The following ZNF165 variants were observed in gnomAD, a reference collection of about 807,000 sequenced individuals.
ZNF165 encodes the protein zinc finger protein 165, also known as cancer/testis antigen 53.
Under a neutral mutation model 19.6 loss-of-function variants are expected in ZNF165, and 14 were observed. The ratio of observed to expected loss-of-function variants is 0.71; its 90% CI spans 0.47 to 1.12. The LOEUF (loss-of-function observed/expected upper bound fraction) is 1.12. ZNF165 is among the 50% of genes most tolerant of loss of function. The pLI is 0.00. For synonymous variants in ZNF165, 165 were observed against 195.0 expected (o/e 0.85, Z 1.28); for missense variants, 504 against 566.3 (o/e 0.89, Z 1.12).
chr6:28,089,469 A>G lies in ZNF165; in HGVS notation c.1457A>G (p.Ter486=). Residue 486 remains the stop codon, a stop_retained_variant, in exon 4 of 4, where the codon TAA becomes TGA. Coordinates refer to ENST00000683778, the MANE Select transcript of ZNF165 (RefSeq NM_001376491.1). ...RIHMRENLLM[*] is the part of the protein sequence containing the mutation. ...CACATGAGGGAAAACCTATTAATGT[A>G]AGGAACTTAAATTTGTAAGTAAATG... 1 of 1,555,816 alleles carries G rather than the reference A, an allele frequency of 6.4e-7. No homozygotes were observed. The highest frequency in any genetic ancestry group is 8.7e-7 in the Non-Finnish European group (1 of 1,151,800).
Position 28,085,471 on chromosome 6 carries a change from C to G in ZNF165, c.1-10C>G. 1 of 1,601,980 alleles carries G rather than the reference C, an allele frequency of 6.2e-7. No homozygotes were observed. Among genetic ancestry groups the G allele is most frequent in the Non-Finnish European group, 8.5e-7 (1 of 1,177,308 alleles). On this transcript the variant is annotated splice_polypyrimidine_tract_variant and intron_variant, in intron 1 of 3. Transcript: ENST00000683778. Reference sequence around the variant, plus strand: ...TCCAAAGCAGTTCTGATAATATATTCTATCCACAGATGGCTACAGAACCAA... The same window carrying G: ...TCCAAAGCAGTTCTGATAATATATTGTATCCACAGATGGCTACAGAACCAA...
At chr6:28,085,356 C>T (rs1390165276) in intron 1 of ZNF165, 125 bp from the exon 2 acceptor site, 8 of 1,009,986 alleles carry the variant, frequency 7.9e-6, no homozygotes, top group Admixed American at 3.0e-5. Context: ...TGGAGAATGA[C>T]GATTTTTATT....
Position 28,089,329 on chromosome 6 carries a change from G to A in ZNF165, c.1317G>A (p.Val439=). 6.2e-7 allele frequency: 1 copy of A among 1,614,174 alleles called. No homozygotes were observed. Among genetic ancestry groups the A allele is most frequent in the Non-Finnish European group, 8.5e-7 (1 of 1,180,024 alleles). Residue 439 remains valine (V), a synonymous_variant, in exon 4 of 4, where the codon GTG becomes GTA. Transcript: ENST00000683778. ...GTGAATGTGGGAAAACCTTCCGAGT[G>A]AGCTCACATCTTATTCGACACTTTA... ...ECSECGKTFR[V]SSHLIRHFRI...
Position 28,089,187 on chromosome 6 carries a change from G to T in ZNF165, c.1175G>T (p.Arg392Leu). 6.2e-7 allele frequency: 1 copy of T among 1,614,198 alleles called. No individual in the cohort carries two copies. Among genetic ancestry groups the T allele is most frequent in the Non-Finnish European group, 8.5e-7 (1 of 1,180,036 alleles). ...AGCTCAGATCTTACTAGACATCGGC[G>T]AATTCACACTGGGGAAAGACCCTTT... The part of the protein sequence containing the change: ...AESSDLTRHR[R>L]IHTGERPFGC... The change falls in exon 4 of 4, where the codon CGA becomes CTA. Residue 392 changes from arginine (R) to leucine (L), a missense_variant. Coordinates refer to ENST00000683778, the MANE Select transcript of ZNF165 (RefSeq NM_001376491.1).
Position 28,085,731 on chromosome 6 carries a change from C to G in ZNF165, c.251C>G (p.Thr84Ser), listed in dbSNP as rs1405743696. 1.2e-6 allele frequency: 2 copies of G among 1,613,854 alleles called. No individual in the cohort carries two copies. The highest frequency in any genetic ancestry group is 1.7e-6 in the Non-Finnish European group (2 of 1,180,038). The change falls in exon 2 of 4, where the codon ACC becomes AGC. Residue 84 changes from threonine (T) to serine (S), a missense_variant. Physicochemically the swap from Thr to Ser is moderately conservative, Grantham distance 58 (BLOSUM62 1). Coordinates refer to ENST00000683778, the MANE Select transcript of ZNF165 (RefSeq NM_001376491.1). ...CAGTGGCTGAAGCCAGAGATCCATA[C>G]CAAGGAACAGATTCTGGAACTGCTG... ...CCQWLKPEIH[T>S]KEQILELLVL...
intron 2 of ZNF165, 135 bp downstream of exon 2, chr6:28,086,026 T>G: frequency 6.7e-7 from 1 of 1,492,938 alleles, no homozygotes. Flanking sequence ...TCCTGTCTGT[T>G]TGATTCCACA....
In ZNF165 at chr6:28,085,739, CAG is replaced by C; in HGVS notation, c.261_262del (p.Gln87HisfsTer24). On this transcript the variant is annotated frameshift_variant, in exon 2 of 4. Coordinates refer to ENST00000683778, the MANE Select transcript of ZNF165 (RefSeq NM_001376491.1). LOFTEE classifies it high-confidence loss of function. Reference sequence around the variant, plus strand: ...GAAGCCAGAGATCCATACCAAGGAACAGATTCTGGAACTGCTGGTGCTAGAGC... The same window carrying C: ...GAAGCCAGAGATCCATACCAAGGAACATTCTGGAACTGCTGGTGCTAGAGC... ...WLKPEIHTKE[Q>X]ILELLVLEQF... 1 of 1,613,840 alleles carries C rather than the reference CAG, an allele frequency of 6.2e-7. No homozygotes were observed. The highest frequency in any genetic ancestry group is 8.5e-7 in the Non-Finnish European group (1 of 1,180,042).
chr6:28,083,828 C>T (rs1764209814), intron 1 of ZNF165, among the ~76,000 whole-genome samples: 2 of 152,188 alleles, frequency 1.3e-5, no homozygotes, highest in Non-Finnish European at 1.5e-5. Flanking sequence ...CAGTCTCTTC[C>T]CACCTCAGGA....
At chr6:28,082,754 C>T (rs768216645) in intron 1 of ZNF165, among the ~76,000 whole-genome samples, 1 of 152,230 alleles carries the variant, frequency 6.6e-6, no homozygotes, top group Non-Finnish European at 1.5e-5. Flanking sequence ...ATTTGGGGGC[C>T]TGTTCCCAAC....
intron 1 of ZNF165, among the ~76,000 whole-genome samples, chr6:28,082,579 A>G (rs1432022872): frequency 6.6e-6 from 1 of 152,280 alleles, no homozygotes; most frequent in African/African-American, 2.4e-5. Context: ...CTTAAGGCAC[A>G]GATCGCTCAT....
chr6:28,083,300 GT>G (rs1225388297), intron 1 of ZNF165, among the ~76,000 whole-genome samples: 1 of 152,196 alleles, frequency 6.6e-6, no homozygotes, highest in Non-Finnish European at 1.5e-5. Context: ...ATGTCAGTAT[GT>G]TCAGTTCTTT....
At chr6:28,085,302 C>T (rs1581482107) in intron 1 of ZNF165, among the ~76,000 whole-genome samples, 179 bp from the exon 2 acceptor site, 1 of 152,126 alleles carries the variant, frequency 6.6e-6, no homozygotes, top group Non-Finnish European at 1.5e-5. Flanking sequence ...CCAAGTATGT[C>T]AGTGCTTTTG....
chr6:28,089,386 C>A lies in ZNF165; in HGVS notation c.1374C>A (p.Cys458Ter), dbSNP rs1291914780. The A allele has an allele frequency of 1.2e-6, 2 of 1,614,060 alleles. No homozygotes were observed. The highest frequency in any genetic ancestry group is 1.7e-6 in the Non-Finnish European group (2 of 1,180,042). The stretch of plus-strand genomic sequence containing the variant: ...ACACTGGAGAAAAACCCTATGAATG[C>A]AGTGAGTGTGGAAGAGCCTTCAGTC... ...RIHTGEKPYE[C>*]SECGRAFSQS... Residue 458 changes from cysteine to a stop codon, truncating the protein, a stop_gained, in exon 4 of 4, where the codon TGC becomes TGA. Coordinates refer to ENST00000683778, the MANE Select transcript of ZNF165 (RefSeq NM_001376491.1). LOFTEE classifies it high-confidence loss of function.
At position 28,088,892 on chromosome 6, in the gene ZNF165, C is replaced by A. The variant is rs1196860130; in HGVS notation, c.880C>A (p.His294Asn). The change falls in exon 4 of 4, where the codon CAT (histidine) becomes AAT (asparagine). Residue 294 changes from histidine to asparagine, a missense_variant. His to Asn is a moderately conservative substitution (Grantham distance 68). Transcript: ENST00000683778. ...ATTCACACACCAGAAATCTTGTAAACATGGTACCTGTGACCAGAGCTTCAA... is the reference window on the plus strand; with the variant it reads ...ATTCACACACCAGAAATCTTGTAAAAATGGTACCTGTGACCAGAGCTTCAA... ...NEFTHQKSCK[H>N]GTCDQSFKWN... The A allele has an allele frequency of 6.2e-7, 1 of 1,614,164 alleles. No individual in the cohort carries two copies. Among genetic ancestry groups the A allele is most frequent in the African/African-American group, 1.3e-5 (1 of 75,056 alleles).
chr6:28,089,176 T>A lies in ZNF165; in HGVS notation c.1164T>A (p.Thr388=), dbSNP rs1181104105. 2 of 1,614,078 alleles carry A rather than the reference T, an allele frequency of 1.2e-6. No individual in the cohort carries two copies. The highest frequency in any genetic ancestry group is 1.7e-6 in the Non-Finnish European group (2 of 1,180,036). The stretch of plus-strand genomic sequence containing the variant: ...GCTTTGCAGAGAGCTCAGATCTTAC[T>A]AGACATCGGCGAATTCACACTGGGG... ...GKSFAESSDL[T]RHRRIHTGER... Residue 388 remains threonine, a synonymous_variant, in exon 4 of 4, where the codon ACT becomes ACA. Transcript: ENST00000683778.
At chr6:28,082,550 T>C (rs1168579057) in intron 1 of ZNF165, among the ~76,000 whole-genome samples, 2 of 152,264 alleles carry the variant, frequency 1.3e-5, no homozygotes, top group Non-Finnish European at 2.9e-5. Context: ...TGGCTAGTTA[T>C]CTGCAGCATG....
chr6:28,088,537 A>G, intron 3 of ZNF165, 26 bp from the exon 4 acceptor site: 2 of 1,555,336 alleles, frequency 1.3e-6, no homozygotes, highest in Non-Finnish European at 1.7e-6. Flanking sequence ...CAAACAGGTA[A>G]TATTTCCCTT....
At position 28,085,542 on chromosome 6, in the gene ZNF165, T is replaced by C. The variant is rs992908697; in HGVS notation, c.62T>C (p.Ile21Thr). 17 of 1,614,084 alleles carry C rather than the reference T, an allele frequency of 1.1e-5. No homozygotes were observed. The highest frequency in any genetic ancestry group is 1.6e-4 in the Middle Eastern group (1 of 6,084). The change falls in exon 2 of 4, where the codon ATA becomes ACA. Residue 21 changes from isoleucine (I) to threonine (T), a missense_variant. Coordinates refer to ENST00000683778, the MANE Select transcript of ZNF165 (RefSeq NM_001376491.1). ...TCTCCAGAGGATGAAGGACTTCTGA[T>C]AGTGAAGATAGAAGAGGAAGAATTT... ...QNSPEDEGLL[I>T]VKIEEEEFIH...
At chr6:28,084,734 A>T (rs1764232328) in intron 1 of ZNF165, among the ~76,000 whole-genome samples, 1 of 152,170 alleles carries the variant, frequency 6.6e-6, no homozygotes, top group African/African-American at 2.4e-5. Context: ...CCCACCCTAG[A>T]AATGAAGAAC....
Sources: gnomAD v4.1 joint callset for allele counts (sites outside exome capture counted in the v4.1 genomes callset) on GRCh38, gnomAD v4.1.1 for gene constraint, MANE v1.5 for transcripts, NCBI Gene and HGNC (gene_info 2026-07-23, HGNC 2026-07-21) for gene names.